The following ARMC8 variants were observed in gnomAD, a reference collection of about 807,000 sequenced individuals.
The protein encoded by ARMC8 is armadillo repeat containing 8, also known as armadillo repeat-containing protein 8.
ARMC8 carries 20 observed loss-of-function variants against 99.3 expected under a neutral mutation model. The ratio of observed to expected loss-of-function variants is 0.20; its 90% CI spans 0.14 to 0.29. The LOEUF (loss-of-function observed/expected upper bound fraction) is 0.29, where lower values mean the gene tolerates loss of function less well. Ranked by LOEUF, ARMC8 falls within the 10% of genes least tolerant of loss-of-function variation. The pLI is 1.00. For missense variants in ARMC8, 569 were observed against 809.5 expected (o/e 0.70, Z 3.60); for synonymous variants, 263 against 278.3 (o/e 0.95, Z 0.55).
intron 12 of ARMC8, among the ~76,000 whole-genome samples, chr3:138,260,668 A>G (rs1317773170): frequency 6.6e-6 from 1 of 152,206 alleles, no homozygotes; most frequent in Non-Finnish European, 1.5e-5. Context: ...ACTGAGATAT[A>G]CTTTATTAAA....
intron 2 of ARMC8, among the ~76,000 whole-genome samples, chr3:138,216,046 T>A (rs1179445487): frequency 7.6e-6 from 1 of 132,208 alleles, no homozygotes; most frequent in Non-Finnish European, 1.7e-5. Context: ...GCCCAGCTAA[T>A]TTTTTTTTTT....
intron 12 of ARMC8, among the ~76,000 whole-genome samples, chr3:138,254,953 A>G (rs1277044803): frequency 6.6e-6 from 1 of 152,174 alleles, no homozygotes; most frequent in Non-Finnish European, 1.5e-5. Flanking sequence ...GGCCCACAAT[A>G]TGTACCCCTC....
intron 5 of ARMC8, among the ~76,000 whole-genome samples, chr3:138,228,331 G>A (rs2045802901): frequency 1.3e-5 from 2 of 152,204 alleles, no homozygotes; most frequent in South Asian, 4.1e-4. Context: ...AGAGTGGGTT[G>A]ATTATTTTCT....
chr3:138,261,721 G>A (rs1197252151), intron 12 of ARMC8: 1 of 152,236 alleles, frequency 6.6e-6, no homozygotes, highest in Non-Finnish European at 1.5e-5. Flanking sequence ...AGGTAGGACA[G>A]AGTAAAGATG....
intron 12 of ARMC8, 181 bp downstream of exon 12, chr3:138,245,364 T>C: frequency 6.9e-7 from 1 of 1,457,832 alleles, no homozygotes; most frequent in South Asian, 1.5e-5. Context: ...TGTTTGTTTT[T>C]AGAACATAGA....
At chr3:138,216,777 T>C (rs2045068701) in intron 2 of ARMC8, among the ~76,000 whole-genome samples, 1 of 152,174 alleles carries the variant, frequency 6.6e-6, no homozygotes, top group South Asian at 2.1e-4. Flanking sequence ...AGTGTAGTTT[T>C]TGGCTACTTC....
intron 15 of ARMC8, among the ~76,000 whole-genome samples, chr3:138,269,014 A>G (rs1214894192): frequency 6.6e-6 from 1 of 152,176 alleles, no homozygotes; most frequent in African/African-American, 2.4e-5. Context: ...AAGGGGCATG[A>G]TGTACGCATC....
intron 1 of ARMC8, among the ~76,000 whole-genome samples, chr3:138,197,488 G>A (rs2043805022): frequency 6.6e-6 from 1 of 152,064 alleles, no homozygotes; most frequent in African/African-American, 2.4e-5. Flanking sequence ...TATTCTTATG[G>A]GCCAGGACAA....
chr3:138,198,443 T>G (rs2043860838), intron 1 of ARMC8, among the ~76,000 whole-genome samples: 1 of 151,760 alleles, frequency 6.6e-6, no homozygotes, highest in Non-Finnish European at 1.5e-5. Flanking sequence ...ATCTCCAGAC[T>G]CCCACTTTTT....
chr3:138,235,400 A>G (rs1165841049), intron 7 of ARMC8, among the ~76,000 whole-genome samples: 1 of 152,238 alleles, frequency 6.6e-6, no homozygotes, highest in East Asian at 1.9e-4. Flanking sequence ...GATGCCTTGA[A>G]GTATAGAAGC....
chr3:138,220,693 CTTTT>C (rs1198710255), intron 2 of ARMC8, among the ~76,000 whole-genome samples: 1 of 139,728 alleles, frequency 7.2e-6, no homozygotes. Context: ...ATTTTTTTTT[CTTTT>C]TTTTTTTTTT....
intron 5 of ARMC8, among the ~76,000 whole-genome samples, chr3:138,223,940 A>C (rs559748919): frequency 1.5e-4 from 22 of 151,074 alleles, no homozygotes; most frequent in Admixed American, 4.0e-4. Context: ...CCAGAGTGAC[A>C]TAACAAGACT....
At chr3:138,229,863 A>G (rs1205975710) in intron 6 of ARMC8, among the ~76,000 whole-genome samples, 4 of 152,216 alleles carry the variant, frequency 2.6e-5, no homozygotes, top group Admixed American at 2.6e-4. Context: ...ACATCCTATC[A>G]TTTATAATAC....
intron 13 of ARMC8, 125 bp downstream of exon 13, chr3:138,263,946 T>C (rs1393153520): frequency 2.9e-6 from 3 of 1,036,524 alleles, no homozygotes; most frequent in Admixed American, 1.8e-5. Context: ...GGTGAATTCA[T>C]AGAGTATATA....
chr3:138,252,744 CCG>C (rs1559992691), intron 12 of ARMC8, among the ~76,000 whole-genome samples: 1 of 26,876 alleles, frequency 3.7e-5, no homozygotes, highest in African/African-American at 1.2e-4. Context: ...GTGAGCCACC[CCG>C]CCCCCCCCCC....
intron 6 of ARMC8, among the ~76,000 whole-genome samples, chr3:138,229,212 A>AAT (rs1436592653): frequency 3.7e-5 from 5 of 134,904 alleles, no homozygotes; most frequent in Non-Finnish European, 6.3e-5. Context: ...GTATATATAA[A>AAT]ATATATATAT....
At chr3:138,231,461 T>G (rs2046023476) in intron 6 of ARMC8, among the ~76,000 whole-genome samples, 1 of 152,092 alleles carries the variant, frequency 6.6e-6, no homozygotes, top group Admixed American at 6.5e-5. Flanking sequence ...CACTAAAGCA[T>G]TTGTGTTGCA....
intron 3 of ARMC8, among the ~76,000 whole-genome samples, chr3:138,222,736 A>G (rs1309727587): frequency 6.6e-6 from 1 of 152,120 alleles, no homozygotes; most frequent in Non-Finnish European, 1.5e-5. Context: ...TTCTTAGGGG[A>G]TTTATGTTTG....
intron 2 of ARMC8, among the ~76,000 whole-genome samples, chr3:138,220,699 T>C (rs950020404): frequency 2.0e-5 from 3 of 151,346 alleles, no homozygotes; most frequent in Non-Finnish European, 4.4e-5. Flanking sequence ...TTTTCTTTTT[T>C]TTTTTTTTGA....
Sources: gnomAD v4.1 joint callset for allele counts (sites outside exome capture counted in the v4.1 genomes callset) on GRCh38, gnomAD v4.1.1 for gene constraint, MANE v1.5 for transcripts, NCBI Gene and HGNC (gene_info 2026-07-23, HGNC 2026-07-21) for gene names.